The following FBXO4 variants were observed in gnomAD, a reference collection of about 807,000 sequenced individuals.
The protein encoded by FBXO4 is F-box protein 4.
FBXO4 carries 36 observed loss-of-function variants against 43.7 expected under a neutral mutation model. The ratio of observed to expected loss-of-function variants is 0.82; its 90% CI spans 0.63 to 1.09. The LOEUF is 1.09. Among genes scored for constraint, FBXO4 ranks in the 50% least tolerant of loss-of-function variants. The pLI is 0.00. For missense variants in FBXO4, 435 were observed against 474.1 expected, an observed-to-expected ratio of 0.92 and a Z score of 0.77; for synonymous variants, 180 against 165.6, an observed-to-expected ratio of 1.09 and a Z score of -0.67.
the FBXO4 span, among the ~76,000 whole-genome samples, chr5:42,012,601 G>T: frequency 1.6e-3 from 243 of 152,146 alleles, no homozygotes; most frequent in African/African-American, 5.6e-3. Context: ...GCTAAGTTGG[G>T]GGTCAAGCAA....
the FBXO4 span, among the ~76,000 whole-genome samples, chr5:42,030,158 A>G: frequency 3.9e-5 from 6 of 152,140 alleles, no homozygotes. Context: ...AGTCAATCCT[A>G]AGCCAAAAGA....
the FBXO4 span, among the ~76,000 whole-genome samples, chr5:41,954,163 G>A: frequency 6.7e-6 from 1 of 150,290 alleles, no homozygotes; most frequent in Non-Finnish European, 1.5e-5. Context: ...TTTTTTTTTC[G>A]AATACTACAG....
intron 1 of FBXO4, among the ~76,000 whole-genome samples, 157 bp downstream of exon 1, chr5:41,925,655 A>T (rs189518384): frequency 3.7e-4 from 56 of 151,878 alleles, no homozygotes; most frequent in Non-Finnish European, 6.8e-4. Context: ...CCGAGAAGCT[A>T]CAGTTGATCA....
At chr5:41,925,956 T>C (rs1751481788) in intron 1 of FBXO4, among the ~76,000 whole-genome samples, 1 of 152,178 alleles carries the variant, frequency 6.6e-6, no homozygotes, top group Non-Finnish European at 1.5e-5. Context: ...CAAGAGGACA[T>C]TGTGCCTGTG....
At chr5:41,932,372 A>G (rs1751715138) in intron 3 of FBXO4, among the ~76,000 whole-genome samples, 1 of 152,212 alleles carries the variant, frequency 6.6e-6, no homozygotes, top group Non-Finnish European at 1.5e-5. Context: ...TGAAACATGC[A>G]CCAGACCTGG....
chr5:41,926,508 G>C (rs1238468622), intron 1 of FBXO4, among the ~76,000 whole-genome samples: 1 of 152,206 alleles, frequency 6.6e-6, no homozygotes, highest in Non-Finnish European at 1.5e-5. Flanking sequence ...GGGAGACGGA[G>C]CTTGCAGTGA....
chr5:41,951,056 C>G, the FBXO4 span, among the ~76,000 whole-genome samples: 11 of 152,090 alleles, frequency 7.2e-5, no homozygotes, highest in East Asian at 7.7e-4. Context: ...ACACCGGGGC[C>G]TGTTGGGGGG....
the FBXO4 span, among the ~76,000 whole-genome samples, chr5:42,007,527 C>A: frequency 6.6e-6 from 1 of 152,122 alleles, no homozygotes; most frequent in Non-Finnish European, 1.5e-5. Flanking sequence ...ATAAGTGTTA[C>A]TCCTGAGGGA....
chr5:42,032,027 G>GTC, the FBXO4 span, among the ~76,000 whole-genome samples: 3 of 151,112 alleles, frequency 2.0e-5, no homozygotes, highest in South Asian at 2.1e-4. Flanking sequence ...AACAGCTGTA[G>GTC]TCTCTCTCTC....
the FBXO4 span, among the ~76,000 whole-genome samples, chr5:42,002,426 C>A: frequency 6.6e-6 from 1 of 152,268 alleles, no homozygotes; most frequent in Non-Finnish European, 1.5e-5. Flanking sequence ...AAAGAGATAT[C>A]TCTTGAAGAC....
At chr5:41,959,575 G>A in the FBXO4 span, among the ~76,000 whole-genome samples, 6 of 151,944 alleles carry the variant, frequency 3.9e-5, no homozygotes, top group African/African-American at 1.5e-4. Flanking sequence ...TTGAGACGAT[G>A]GTCTATTTTC....
rs79218198 is a variant in FBXO4 at position 41,935,249 on chromosome 5, A to G, written c.898+941A>G. Among the ~76,000 whole-genome samples, 1,114 of 152,312 alleles carry G rather than the reference A, an allele frequency of 7.3e-3. 7 individuals are homozygous for G. The highest frequency in any genetic ancestry group is 0.024 in the Middle Eastern group (7 of 294). On this transcript the variant is annotated intron_variant, in intron 5 of 6. Transcript: ENST00000281623. ...TAAATTAAAAAAATTTACAAGACACAAAGAGACTATACTCACTTATCAGCT... is the reference window on the plus strand; with the variant it reads ...TAAATTAAAAAAATTTACAAGACACGAAGAGACTATACTCACTTATCAGCT...
At chr5:41,929,492 A>AC (rs1751609408) in intron 2 of FBXO4, among the ~76,000 whole-genome samples, 1 of 152,024 alleles carries the variant, frequency 6.6e-6, no homozygotes, top group Admixed American at 6.6e-5. Context: ...GGCCACTCCC[A>AC]CCCCCATGGC....
At chr5:41,976,436 AT>A in the FBXO4 span, among the ~76,000 whole-genome samples, 2 of 152,304 alleles carry the variant, frequency 1.3e-5, no homozygotes, top group East Asian at 3.9e-4. Flanking sequence ...TTCTTCCAAG[AT>A]AAGATGGTAT....
the FBXO4 span, among the ~76,000 whole-genome samples, chr5:41,961,505 C>A: frequency 2.0e-5 from 3 of 152,108 alleles, no homozygotes; most frequent in South Asian, 6.2e-4. Context: ...GGCTCAGGGA[C>A]CCCTGCTCCC....
the FBXO4 span, among the ~76,000 whole-genome samples, chr5:42,012,959 C>G: frequency 8.2e-3 from 1,252 of 152,228 alleles, 15 homozygotes; most frequent in African/African-American, 0.029. Context: ...CACTTGTTCT[C>G]TATTAGTACC....
the FBXO4 span, among the ~76,000 whole-genome samples, chr5:41,957,031 T>C: frequency 1.3e-5 from 2 of 152,116 alleles, no homozygotes; most frequent in East Asian, 3.8e-4. Flanking sequence ...TTGATTTCAA[T>C]ATTTTCTAAT....
chr5:41,945,994 G>A (rs550112521), downstream of FBXO4, among the ~76,000 whole-genome samples: 2 of 152,278 alleles, frequency 1.3e-5, no homozygotes, highest in South Asian at 2.1e-4. Context: ...TCTGCATACA[G>A]ATGTTATGTT....
chr5:42,033,543 T>C, the FBXO4 span, among the ~76,000 whole-genome samples: 2 of 152,066 alleles, frequency 1.3e-5, no homozygotes, highest in Non-Finnish European at 2.9e-5. Flanking sequence ...CTTTCTCCCC[T>C]CGCCTCCCAC....
Sources: allele counts gnomAD v4.1 joint callset (sites outside exome capture counted in the v4.1 genomes callset), GRCh38; gene constraint gnomAD v4.1.1; transcripts MANE v1.5; gene names NCBI Gene and HGNC (gene_info 2026-07-23, HGNC 2026-07-21).